Variants in STK26 observed in about 807,000 individuals in gnomAD.
The protein encoded by STK26 is serine/threonine-protein kinase 26.
Under a neutral mutation model 34.7 loss-of-function variants are expected in STK26, and 14 were observed. The ratio of observed to expected loss-of-function variants is 0.40; its 90% CI spans 0.27 to 0.63. STK26 has a LOEUF of 0.63. Ranked by LOEUF, STK26 falls within the 30% of genes least tolerant of loss-of-function variation. The pLI, the probability that STK26 is intolerant of heterozygous loss-of-function variation, is 0.38. For missense variants in STK26, 226 were observed against 309.1 expected (o/e 0.73, Z 2.02); for synonymous variants, 100 against 109.8 (o/e 0.91, Z 0.56).
At chrX:132,023,694 G>A in intron 2 of STK26, 35 bp downstream of exon 2, 1 of 1,166,666 alleles carries the variant, frequency 8.6e-7, no homozygotes, top group Non-Finnish European at 1.1e-6. Flanking sequence ...CCGCCCACGT[G>A]ACTGCTTGGG....
intron 3 of STK26, among the ~76,000 whole-genome samples, chrX:132,063,035 A>G (rs953709335): frequency 5.9e-4 from 66 of 111,660 alleles, no homozygotes; most frequent in African/African-American, 1.9e-3. Flanking sequence ...TAATAAAGGC[A>G]TATAATGTAT....
intron 2 of STK26, among the ~76,000 whole-genome samples, chrX:132,043,587 G>A (rs1373954901): frequency 9.0e-6 from 1 of 111,298 alleles, no homozygotes; most frequent in African/African-American, 3.3e-5. Flanking sequence ...TAATGCTCCT[G>A]GTTAAACCTG....
rs1399557470 is a variant in STK26, at chrX:132,073,403, A to C, written c.1226+310A>C. Among the ~76,000 whole-genome samples, 3 of 111,599 alleles carry C rather than the reference A, an allele frequency of 2.7e-5. No individual in the cohort carries two copies. In the East Asian group the frequency reaches 8.4e-4, roughly 31 times the overall value. On this transcript the variant is annotated intron_variant, in intron 11 of 11. Transcript: ENST00000394334. ...TTCTCATTTGAGCTCTTATTAATAT[A>C]ATTGTGGAATGCTTTCTTTCTTGCC...
chrX:132,023,889 G>A (rs1019599389), intron 2 of STK26, among the ~76,000 whole-genome samples: 113 of 112,172 alleles, frequency 1.0e-3, no homozygotes, highest in African/African-American at 3.5e-3. Context: ...CAACTAGGTG[G>A]AGATTGAGGG....
At chrX:132,038,101 C>G (rs943287211) in intron 2 of STK26, among the ~76,000 whole-genome samples, 8 of 110,685 alleles carry the variant, frequency 7.2e-5, no homozygotes, top group Non-Finnish European at 1.1e-4. Context: ...TTCATAATAA[C>G]AGAGGATTAC....
chrX:132,028,911 G>A (rs1321110365), intron 2 of STK26, among the ~76,000 whole-genome samples: 1 of 112,353 alleles, frequency 8.9e-6, no homozygotes, highest in Non-Finnish European at 1.9e-5. Context: ...GCAATTTGAG[G>A]TTGAAAGCAT....
chrX:132,060,403 T>G (rs930716988), intron 3 of STK26, among the ~76,000 whole-genome samples: 1 of 111,073 alleles, frequency 9.0e-6, no homozygotes, highest in Non-Finnish European at 1.9e-5. Context: ...TGGTAAATTT[T>G]CTAGCCATAT....
chrX:132,049,276 C>T (rs976266834), intron 2 of STK26, among the ~76,000 whole-genome samples: 1 of 112,327 alleles, frequency 8.9e-6, no homozygotes, highest in African/African-American at 3.2e-5. Context: ...CATGAGCCAA[C>T]TGCACCTGGC....
intron 2 of STK26, among the ~76,000 whole-genome samples, chrX:132,026,287 G>T (rs1228351527): frequency 8.9e-6 from 1 of 111,744 alleles, no homozygotes; most frequent in Non-Finnish European, 1.9e-5. Flanking sequence ...CCAGGATTTC[G>T]TCCAGTTCAA....
intron 2 of STK26, among the ~76,000 whole-genome samples, chrX:132,035,832 TACACACACACACACAC>T (rs61494612): frequency 1.8e-4 from 14 of 78,215 alleles, no homozygotes; most frequent in South Asian, 7.8e-4. Flanking sequence ...TCTGGCTGCA[TACACACACACACACAC>T]ACACACACAC....
At chrX:132,045,986 T>C (rs1041847139) in intron 2 of STK26, among the ~76,000 whole-genome samples, 1 of 112,317 alleles carries the variant, frequency 8.9e-6, no homozygotes, top group Non-Finnish European at 1.9e-5. Flanking sequence ...CTGCCTATTA[T>C]GACTTTGGTT....
intron 2 of STK26, among the ~76,000 whole-genome samples, chrX:132,028,231 CATG>C: frequency 2.0e-5 from 1 of 50,801 alleles, no homozygotes; most frequent in Non-Finnish European, 3.7e-5. Flanking sequence ...GGACAGGTTC[CATG>C]GACATATGTT....
chrX:132,056,403 C>G (rs1172927732), intron 3 of STK26, among the ~76,000 whole-genome samples: 1 of 111,976 alleles, frequency 8.9e-6, no homozygotes, highest in Non-Finnish European at 1.9e-5. Context: ...TCCTGTGCAG[C>G]TTTGTCACTT....
At chrX:132,029,451 C>T (rs1483800236) in intron 2 of STK26, among the ~76,000 whole-genome samples, 1 of 110,711 alleles carries the variant, frequency 9.0e-6, no homozygotes, top group East Asian at 2.8e-4. Context: ...GGCAGTTCAT[C>T]CTGCAAAACA....
chrX:132,033,732 TG>T (rs1212167531), intron 2 of STK26, among the ~76,000 whole-genome samples: 1 of 111,830 alleles, frequency 8.9e-6, no homozygotes, highest in Non-Finnish European at 1.9e-5. Context: ...AGGCCTGCTT[TG>T]GGTAGGACAG....
intron 2 of STK26, among the ~76,000 whole-genome samples, chrX:132,046,574 C>T (rs1313629675): frequency 2.7e-5 from 3 of 111,800 alleles, no homozygotes; most frequent in African/African-American, 9.7e-5. Flanking sequence ...GCCTTATGAA[C>T]ACATTTTTCT....
chrX:132,073,306 T>C (rs1183797384), intron 11 of STK26, among the ~76,000 whole-genome samples: 1 of 112,341 alleles, frequency 8.9e-6, no homozygotes, highest in Non-Finnish European at 1.9e-5. Context: ...ACAAGGTAGT[T>C]TTCCACTGCA....
At chrX:132,035,369 C>G (rs1254270843) in intron 2 of STK26, among the ~76,000 whole-genome samples, 1 of 110,574 alleles carries the variant, frequency 9.0e-6, no homozygotes, top group African/African-American at 3.3e-5. Context: ...TTATCATTGG[C>G]CCATGTGTGC....
intron 2 of STK26, among the ~76,000 whole-genome samples, chrX:132,035,846 C>T (rs1194562027): frequency 9.5e-6 from 1 of 105,648 alleles, no homozygotes; most frequent in African/African-American, 3.5e-5. Context: ...CACACACACA[C>T]ACACACACAC....
Sources: gnomAD v4.1 joint callset for allele counts (sites outside exome capture counted in the v4.1 genomes callset) on GRCh38, gnomAD v4.1.1 for gene constraint, MANE v1.5 for transcripts, NCBI Gene and HGNC (gene_info 2026-07-23, HGNC 2026-07-21) for gene names.